Variants in NTRK3 observed in about 807,000 individuals in gnomAD.
The protein encoded by NTRK3 is NT-3 growth factor receptor.
NTRK3 carries 24 observed loss-of-function variants against 91.7 expected under a neutral mutation model. That is an observed-to-expected ratio of 0.26 (90% confidence interval 0.19 to 0.37). NTRK3 has a LOEUF of 0.37. Ranked by LOEUF, NTRK3 falls within the 10% of genes least tolerant of loss-of-function variation. The pLI is 1.00. For missense variants in NTRK3, 880 were observed against 1,068.9 expected (o/e 0.82, Z 2.46); for synonymous variants, 483 against 404.0 (o/e 1.20, Z -2.34).
At chr15:88,109,817 A>T (rs2051133791) in intron 13 of NTRK3, among the ~76,000 whole-genome samples, 1 of 152,088 alleles carries the variant, frequency 6.6e-6, no homozygotes, top group Non-Finnish European at 1.5e-5. Context: ...TCTACCATAA[A>T]ACCAAGTGTA....
intron 5 of NTRK3, among the ~76,000 whole-genome samples, chr15:88,161,724 T>C (rs1219541962): frequency 2.0e-5 from 3 of 152,164 alleles, no homozygotes; most frequent in Middle Eastern, 3.4e-3. Flanking sequence ...GATCACACAG[T>C]GACAAATCAG....
rs952770822 is a variant in NTRK3 at position 88,044,847 on chromosome 15, G to A, written c.1397-11802C>T. Among the ~76,000 whole-genome samples, 4 of 152,134 alleles carry A rather than the reference G, an allele frequency of 2.6e-5. No homozygotes were observed. The East Asian group carries it at 7.7e-4, about 29-fold the overall frequency. ...CTATCATCTTATATCAGACAAAGAG[G>A]TACTTTCCCTTTTATTAGAAAATAT... On this transcript the variant is annotated intron_variant, in intron 13 of 18. Coordinates refer to ENST00000394480, the Ensembl canonical transcript of NTRK3.
intron 17 of NTRK3, among the ~76,000 whole-genome samples, chr15:87,906,595 T>C (rs2066780624): frequency 6.6e-6 from 1 of 152,244 alleles, no homozygotes; most frequent in South Asian, 2.1e-4. Context: ...AGTATTTCTT[T>C]ATTTGGACTC....
chr15:88,043,350 C>T (rs116591930), intron 13 of NTRK3, among the ~76,000 whole-genome samples: 57 of 152,308 alleles, frequency 3.7e-4, no homozygotes, highest in African/African-American at 1.4e-3. Flanking sequence ...GATCATAGTT[C>T]AAATTTCAAC....
intron 13 of NTRK3, among the ~76,000 whole-genome samples, chr15:88,108,420 T>G (rs999849055): frequency 6.6e-6 from 1 of 152,136 alleles, no homozygotes; most frequent in Non-Finnish European, 1.5e-5. Flanking sequence ...AACCTGGTGA[T>G]CCTAAAAAGA....
chr15:88,246,383 C>A (rs1410568461), intron 3 of NTRK3, among the ~76,000 whole-genome samples: 1 of 152,172 alleles, frequency 6.6e-6, no homozygotes, highest in African/African-American at 2.4e-5. Context: ...CTAGTCAATG[C>A]CAGGACCTGC....
intron 17 of NTRK3, among the ~76,000 whole-genome samples, chr15:87,922,182 T>C (rs1453420643): frequency 6.6e-6 from 1 of 152,238 alleles, no homozygotes; most frequent in African/African-American, 2.4e-5. Context: ...CACAGACCAC[T>C]GGCTCTCTTC....
intron 13 of NTRK3, among the ~76,000 whole-genome samples, chr15:88,046,275 T>C (rs564582836): frequency 6.6e-6 from 1 of 152,304 alleles, no homozygotes; most frequent in Admixed American, 6.5e-5. Context: ...AGTTCATGAT[T>C]CATGCCACAC....
At chr15:87,917,172 C>T (rs1037805729) in intron 17 of NTRK3, among the ~76,000 whole-genome samples, 9 of 152,190 alleles carry the variant, frequency 5.9e-5, no homozygotes, top group African/African-American at 1.9e-4. Flanking sequence ...TAGGATGAAA[C>T]ATACTTACCT....
At chr15:88,055,121 T>C (rs950064887) in intron 13 of NTRK3, among the ~76,000 whole-genome samples, 7 of 152,178 alleles carry the variant, frequency 4.6e-5, no homozygotes, top group Admixed American at 1.3e-4. Flanking sequence ...TAGATTCTGG[T>C]AATGAATGCC....
At chr15:87,952,606 C>G (rs548633218) in intron 14 of NTRK3, among the ~76,000 whole-genome samples, 1 of 152,162 alleles carries the variant, frequency 6.6e-6, no homozygotes, top group African/African-American at 2.4e-5. Context: ...TTATCTTGGC[C>G]GCCGGCTCAC....
At chr15:88,184,722 A>G (rs1007243249) in intron 3 of NTRK3, among the ~76,000 whole-genome samples, 17 of 152,142 alleles carry the variant, frequency 1.1e-4, no homozygotes, top group Non-Finnish European at 2.9e-5. Flanking sequence ...AATACAAATG[A>G]CATGGCTTTA....
At chr15:88,068,403 C>G (rs573022336) in intron 13 of NTRK3, among the ~76,000 whole-genome samples, 1 of 152,026 alleles carries the variant, frequency 6.6e-6, no homozygotes, top group Non-Finnish European at 1.5e-5. Context: ...TGCACTCCAG[C>G]CTGGGCGAGA....
At chr15:88,048,511 G>C (rs927318852) in intron 13 of NTRK3, among the ~76,000 whole-genome samples, 1 of 152,118 alleles carries the variant, frequency 6.6e-6, no homozygotes, top group Non-Finnish European at 1.5e-5. Context: ...TGGGATGCAG[G>C]TTTTTCCTGG....
At chr15:87,928,542 A>G (rs2068522427) in intron 17 of NTRK3, 1 of 154,418 alleles carries the variant, frequency 6.5e-6, no homozygotes, top group South Asian at 2.0e-4. Flanking sequence ...TGAAGGTAAA[A>G]CTGAGCAGGA....
rs1330962033 is a variant in NTRK3 at position 88,032,775 on chromosome 15, G to C, written c.1585+82C>G. 2.0e-6 allele frequency: 3 copies of C among 1,500,936 alleles called. No individual in the cohort carries two copies. The African/African-American group carries it at 4.1e-5, about 21-fold the overall frequency. The allele number at this position is 1,500,936 out of a possible 1,614,324, so 93.0% of individuals were successfully genotyped here. ...TGGCAGGTAGCAGGTCACCCTAGAA[G>C]GTTCCAGAACCCCAGGTACATGGTC... On this transcript the variant is annotated intron_variant, in intron 14 of 18. Coordinates refer to ENST00000394480, the Ensembl canonical transcript of NTRK3.
At chr15:88,058,401 G>A (rs1177775520) in intron 13 of NTRK3, among the ~76,000 whole-genome samples, 1 of 152,174 alleles carries the variant, frequency 6.6e-6, no homozygotes, top group Non-Finnish European at 1.5e-5. Context: ...TGTGAAAAGT[G>A]TTTGGTATTT....
intron 13 of NTRK3, among the ~76,000 whole-genome samples, chr15:88,096,594 A>G (rs1207063541): frequency 2.0e-5 from 3 of 152,210 alleles, no homozygotes; most frequent in East Asian, 1.9e-4. Context: ...GCACAGTAAG[A>G]GCAAGCTTGG....
intron 17 of NTRK3, among the ~76,000 whole-genome samples, chr15:87,926,210 T>C (rs925310500): frequency 6.6e-6 from 1 of 152,230 alleles, no homozygotes; most frequent in Non-Finnish European, 1.5e-5. Context: ...AGGGTTCATT[T>C]TGATGTGACT....
Sources: allele counts gnomAD v4.1 joint callset (sites outside exome capture counted in the v4.1 genomes callset), GRCh38; gene constraint gnomAD v4.1.1; transcripts MANE v1.5; gene names NCBI Gene and HGNC (gene_info 2026-07-23, HGNC 2026-07-21).